CRACDL: variants seen among roughly 807,000 people sequenced by gnomAD.
CRACDL encodes CRACD-like protein.
In CRACDL, 26 loss-of-function variants were observed where a neutral mutation model predicts 70.6. The ratio of observed to expected loss-of-function variants is 0.37; its 90% CI spans 0.27 to 0.51. The LOEUF is 0.51. CRACDL is among the 20% of genes least tolerant of loss of function. The pLI is 0.94. For missense variants in CRACDL, 1,283 were observed against 1,376.9 expected (o/e 0.93, Z 1.08); for synonymous variants, 618 against 615.2 (o/e 1.00, Z -0.07).
At chr2:98,911,206 C>T (rs927737040) in intron 1 of CRACDL, among the ~76,000 whole-genome samples, 27 of 152,240 alleles carry the variant, frequency 1.8e-4, no homozygotes, top group African/African-American at 6.3e-4. Flanking sequence ...CATATGAATT[C>T]TGGCCCTGCC....
intron 1 of CRACDL, among the ~76,000 whole-genome samples, chr2:98,871,349 C>T (rs1306565324): frequency 6.6e-6 from 1 of 152,234 alleles, no homozygotes; most frequent in African/African-American, 2.4e-5. Flanking sequence ...TTATTAAGCA[C>T]ATCTCAGGCC....
chr2:98,898,647 C>T (rs1173333022), intron 1 of CRACDL, among the ~76,000 whole-genome samples: 3 of 152,222 alleles, frequency 2.0e-5, no homozygotes, highest in African/African-American at 7.2e-5. Context: ...TTGTCTAGAG[C>T]TCAGCAGGGC....
intron 1 of CRACDL, among the ~76,000 whole-genome samples, chr2:98,909,323 G>A (rs963592483): frequency 6.6e-6 from 1 of 152,138 alleles, no homozygotes; most frequent in Admixed American, 6.5e-5. Context: ...TCTTTATTTT[G>A]GTTCAACTTG....
chr2:98,823,386 G>A lies in CRACDL; in HGVS notation c.887C>T (p.Pro296Leu), dbSNP rs1705179221. ...CCCTCCGGGTGGCGGCAAGGGCGCC[G>A]GTGGCCCAGGCTCAGGGCCTCTGTC... ...APDRGPEPGPPAPLPPPGGAR... is the reference protein window; with the variant it reads ...APDRGPEPGPLAPLPPPGGAR... Residue 296 changes from proline to leucine, a missense_variant, in exon 7 of 10, where the codon CCG becomes CTG. By Grantham distance (98) the Pro-to-Leu change is moderately conservative. Coordinates refer to ENST00000397899, the MANE Select transcript of CRACDL (RefSeq NM_207362.3). The surrounding 1 kb of genome is among the most constrained non-coding windows in gnomAD (Gnocchi z 4.0). 7 of 1,541,256 alleles carry A rather than the reference G, an allele frequency of 4.5e-6. No homozygotes were observed. The East Asian group carries it at 1.7e-4, about 37-fold the overall frequency.
intron 1 of CRACDL, among the ~76,000 whole-genome samples, chr2:98,852,756 G>A (rs868503980): frequency 6.6e-6 from 1 of 152,028 alleles, no homozygotes; most frequent in Non-Finnish European, 1.5e-5. Context: ...ATTGAAGAGA[G>A]ATCAATAGAA....
chr2:98,904,635 A>T (rs1255255174), intron 1 of CRACDL, among the ~76,000 whole-genome samples: 1 of 152,258 alleles, frequency 6.6e-6, no homozygotes, highest in Non-Finnish European at 1.5e-5. Context: ...AGAAGAACAA[A>T]GCCACCTTTA....
intron 7 of CRACDL, among the ~76,000 whole-genome samples, chr2:98,797,961 C>A (rs558719874): frequency 2.6e-5 from 4 of 152,306 alleles, no homozygotes; most frequent in South Asian, 2.1e-4. Flanking sequence ...GTGAGCATAA[C>A]CTTCCCTTTC....
chr2:98,821,119 C>T (rs545810780), intron 7 of CRACDL, among the ~76,000 whole-genome samples: 1 of 152,338 alleles, frequency 6.6e-6, no homozygotes, highest in Admixed American at 6.5e-5. Context: ...TGTTTACACA[C>T]TGACTTCTCT....
intron 2 of CRACDL, among the ~76,000 whole-genome samples, chr2:98,839,267 A>G (rs1705920789): frequency 6.6e-6 from 1 of 152,222 alleles, no homozygotes; most frequent in African/African-American, 2.4e-5. Context: ...TTCCTACATC[A>G]TTACAGGTAG....
intron 1 of CRACDL, among the ~76,000 whole-genome samples, chr2:98,927,064 A>C (rs1356442161): frequency 6.6e-6 from 1 of 152,222 alleles, no homozygotes; most frequent in Non-Finnish European, 1.5e-5. Context: ...CAGGCTGGGA[A>C]GTGTCCAATC....
At chr2:98,826,127 A>G (rs1002082728) in intron 6 of CRACDL, among the ~76,000 whole-genome samples, 4 of 152,144 alleles carry the variant, frequency 2.6e-5, no homozygotes, top group Non-Finnish European at 4.4e-5. Flanking sequence ...TGAACCTCGA[A>G]CCTGCCAGTA....
chr2:98,928,937 G>C (rs893988733), intron 1 of CRACDL, among the ~76,000 whole-genome samples: 6 of 152,242 alleles, frequency 3.9e-5, no homozygotes, highest in African/African-American at 1.4e-4. Flanking sequence ...TCACAGCTCA[G>C]AGACCGAATC....
chr2:98,857,849 A>ATG (rs1558605304), intron 1 of CRACDL, among the ~76,000 whole-genome samples: 3 of 152,182 alleles, frequency 2.0e-5, no homozygotes, highest in East Asian at 1.9e-4. Context: ...GTGTATGTGT[A>ATG]TGTGTGTATA....
At chr2:98,824,389 C>T (rs912744819) in intron 6 of CRACDL, among the ~76,000 whole-genome samples, 9 of 151,806 alleles carry the variant, frequency 5.9e-5, no homozygotes, top group African/African-American at 2.2e-4. Flanking sequence ...TCTCTGGCCT[C>T]CTGAAGCCCT....
chr2:98,920,176 C>T (rs1269977337), intron 1 of CRACDL, among the ~76,000 whole-genome samples: 3 of 152,168 alleles, frequency 2.0e-5, no homozygotes, highest in Non-Finnish European at 2.9e-5. Context: ...TATTGATCCC[C>T]CACTGCTGGA....
intron 1 of CRACDL, chr2:98,897,394 C>G (rs1159091480): frequency 7.7e-7 from 1 of 1,303,554 alleles, no homozygotes; most frequent in Non-Finnish European, 1.0e-6. Flanking sequence ...CTTGCACGGA[C>G]GCCAAAGAAA....
Position 98,932,968 on chromosome 2 carries a change from G to A in CRACDL, c.-11+2970C>T, listed in dbSNP as rs114242124. Among the ~76,000 whole-genome samples, 949 of 152,280 alleles carry A rather than the reference G, an allele frequency of 6.2e-3. 9 individuals are homozygous for A. The highest frequency in any genetic ancestry group is 0.022 in the African/African-American group (900 of 41,546). On this transcript the variant is annotated intron_variant, in intron 1 of 9. Transcript: ENST00000397899. ...GCACCCCACCTGGAGGAGCAGGGGTGGGGCTGAGGGGGCGTTCTTGTCCTG... is the reference window on the plus strand; with the variant it reads ...GCACCCCACCTGGAGGAGCAGGGGTAGGGCTGAGGGGGCGTTCTTGTCCTG...
chr2:98,901,916 C>T (rs543947323), intron 1 of CRACDL, among the ~76,000 whole-genome samples: 90 of 152,142 alleles, frequency 5.9e-4, no homozygotes, highest in African/African-American at 2.0e-3. Context: ...GCGAGCCGGG[C>T]GAAGCAGTAA....
At chr2:98,875,039 G>A (rs570256599) in intron 1 of CRACDL, among the ~76,000 whole-genome samples, 8 of 152,296 alleles carry the variant, frequency 5.3e-5, no homozygotes, top group African/African-American at 9.6e-5. Flanking sequence ...CATGTACTGC[G>A]TGCAGAACAA....
Sources: gnomAD v4.1 joint callset for allele counts (sites outside exome capture counted in the v4.1 genomes callset) on GRCh38, gnomAD v4.1.1 for gene constraint, Gnocchi (gnomAD v3.1) non-coding constraint, MANE v1.5 for transcripts, NCBI Gene and HGNC (gene_info 2026-07-23, HGNC 2026-07-21) for gene names.